The following NT5E variants were observed in gnomAD, a reference collection of about 807,000 sequenced individuals.
The protein encoded by NT5E is 5'-nucleotidase.
NT5E carries 53 observed loss-of-function variants against 55.1 expected under a neutral mutation model. The observed-to-expected ratio is 0.96, with a 90% confidence interval of 0.77 to 1.21. NT5E has a LOEUF of 1.21. NT5E is among the 50% of genes most tolerant of loss of function. The pLI is 0.00. For synonymous variants in NT5E, 270 were observed against 278.4 expected (o/e 0.97, Z 0.30); for missense variants, 683 against 724.3 (o/e 0.94, Z 0.65).
chr6:85,453,509 C>T (rs9344528), intron 1 of NT5E, among the ~76,000 whole-genome samples: 27,952 of 152,152 alleles, frequency 0.18, 3,068 homozygotes, highest in African/African-American at 0.31. Context: ...ACTATTTTTG[C>T]TATAGTTACT....
chr6:85,476,812 C>A (rs1769446785), intron 3 of NT5E, among the ~76,000 whole-genome samples: 1 of 152,130 alleles, frequency 6.6e-6, no homozygotes, highest in Non-Finnish European at 1.5e-5. Flanking sequence ...AGTCAAGCTG[C>A]TTTTCACCAG....
intron 2 of NT5E, 38 bp from the exon 3 acceptor site, chr6:85,471,199 T>G (rs775769362): frequency 8.8e-6 from 12 of 1,359,770 alleles, no homozygotes; most frequent in Non-Finnish European, 9.2e-6. Context: ...TAATAAAAAT[T>G]GTTAATAAAT....
At chr6:85,488,137 T>C (rs1769703887) in intron 5 of NT5E, among the ~76,000 whole-genome samples, 1 of 152,184 alleles carries the variant, frequency 6.6e-6, no homozygotes, top group East Asian at 1.9e-4. Flanking sequence ...TAACAAGTCC[T>C]ATGGCTGAGC....
Position 85,490,589 on chromosome 6 carries a change from TGAA to T in NT5E, c.1297_1299del (p.Lys433del). 6.2e-7 allele frequency: 1 copy of T among 1,614,210 alleles called. No individual in the cohort carries two copies. The highest frequency in any genetic ancestry group is 8.5e-7 in the Non-Finnish European group (1 of 1,180,022). ...CTAGTCCAGTTAAAAGGTTCCACCC[TGAA>T]GAAGGCCTTTGAGCATAGCGTGCAC... On this transcript the variant is annotated inframe_deletion, in exon 7 of 9. Transcript: ENST00000257770.
rs754938307 is a variant in NT5E at position 85,487,403 on chromosome 6, G to C, written c.1018G>C (p.Gly340Arg). Residue 340 changes from glycine to arginine, a missense_variant, in exon 5 of 9, where the codon GGG becomes CGG. Coordinates refer to ENST00000257770, the MANE Select transcript of NT5E (RefSeq NM_002526.4). The part of the protein sequence containing the change: ...KLDNYSTQEL[G>R]KTIVYLDGSS... ...GGATAATTATTCTACCCAGGAATTA[G>C]GGAAAACAATTGTCTATCTGGATGG... 6.2e-7 allele frequency: 1 copy of C among 1,614,002 alleles called. No homozygotes were observed. The highest frequency in any genetic ancestry group is 2.2e-5 in the East Asian group (1 of 44,870).
At chr6:85,478,590 C>A (rs1769482045) in intron 3 of NT5E, among the ~76,000 whole-genome samples, 1 of 152,128 alleles carries the variant, frequency 6.6e-6, no homozygotes, top group Non-Finnish European at 1.5e-5. Context: ...AGTTACTCAA[C>A]CACTCTGAGC....
At chr6:85,466,406 G>C (rs985528905) in intron 1 of NT5E, among the ~76,000 whole-genome samples, 2 of 152,186 alleles carry the variant, frequency 1.3e-5, no homozygotes, top group African/African-American at 4.8e-5. Flanking sequence ...ATGTGAAACT[G>C]CTGGGACTGG....
intron 2 of NT5E, 88 bp downstream of exon 2, chr6:85,467,370 G>C: frequency 1.8e-6 from 2 of 1,100,660 alleles, no homozygotes; most frequent in Non-Finnish European, 2.7e-6. Flanking sequence ...GTAGATAAAA[G>C]TAGGAACAAC....
At chr6:85,474,817 C>G (rs1347516097) in intron 3 of NT5E, among the ~76,000 whole-genome samples, 2 of 151,960 alleles carry the variant, frequency 1.3e-5, no homozygotes, top group Non-Finnish European at 2.9e-5. Context: ...GCCTGTAGTC[C>G]CACCTACTCA....
At chr6:85,459,333 G>A (rs1225500457) in intron 1 of NT5E, among the ~76,000 whole-genome samples, 2 of 152,222 alleles carry the variant, frequency 1.3e-5, no homozygotes, top group Non-Finnish European at 2.9e-5. Flanking sequence ...GAGCTAGCGT[G>A]TAAGTGACTA....
intron 1 of NT5E, among the ~76,000 whole-genome samples, chr6:85,456,661 G>C (rs1768997516): frequency 6.6e-6 from 1 of 152,312 alleles, no homozygotes; most frequent in East Asian, 1.9e-4. Flanking sequence ...GAAGACAAGA[G>C]AGAAGAGGGT....
At chr6:85,463,133 G>A (rs142535238) in intron 1 of NT5E, among the ~76,000 whole-genome samples, 101 of 152,214 alleles carry the variant, frequency 6.6e-4, no homozygotes, top group African/African-American at 2.3e-3. Flanking sequence ...TGGGGGTGAG[G>A]AGCTGGGGGT....
intron 7 of NT5E, among the ~76,000 whole-genome samples, chr6:85,491,769 T>G (rs1252261082): frequency 6.6e-6 from 1 of 152,224 alleles, no homozygotes; most frequent in Non-Finnish European, 1.5e-5. Context: ...AGAGCTGGTT[T>G]TCCTTCCAGT....
chr6:85,474,289 T>C (rs973117345), intron 3 of NT5E, among the ~76,000 whole-genome samples: 3 of 152,252 alleles, frequency 2.0e-5, no homozygotes, highest in African/African-American at 4.8e-5. Context: ...AAAAAATATA[T>C]GTTCAGTACA....
In NT5E at chr6:85,475,925, TA is replaced by T. The variant is rs551022860; in HGVS notation, c.751+4509del. ...GCTTACTTTTCAGGATTTGGGGAAA[TA>T]AAAAAAAATTTGGTAGAATACCTCA... On this transcript the variant is annotated intron_variant, in intron 3 of 8. Transcript: ENST00000257770. 1.4e-3 allele frequency among the ~76,000 whole-genome samples: 214 copies of T among 151,840 alleles called. 7 individuals carry two copies. The South Asian group carries it at 0.042, about 30-fold the overall frequency.
rs1057330500 is a variant in NT5E, at chr6:85,470,142, T to C, written c.563-1095T>C. Among the ~76,000 whole-genome samples the C allele has an allele frequency of 1.8e-4, 28 of 152,160 alleles. 1 individual carries two copies. Among genetic ancestry groups the C allele is most frequent in the Non-Finnish European group, 1.3e-4 (9 of 68,024 alleles). On this transcript the variant is annotated intron_variant, in intron 2 of 8. Transcript: ENST00000257770. ...TAGTCACAGAGTACCAGACATGACT[T>C]CAGGGCAGCATGTCTGTATTTGCAG...
intron 5 of NT5E, among the ~76,000 whole-genome samples, chr6:85,488,352 T>C (rs959749812): frequency 1.1e-4 from 16 of 152,162 alleles, no homozygotes; most frequent in African/African-American, 3.1e-4. Context: ...CGATAAATGT[T>C]TGCCGTGTAA....
In NT5E at chr6:85,467,001, T is replaced by C. The variant is rs550232759; in HGVS notation, c.340-59T>C. ...GAGCTTAGTCAGTTTTGAGAAATAC[T>C]GGACTAATGTTATGTTTTTAAAGCA... On this transcript the variant is annotated intron_variant, in intron 1 of 8. Coordinates refer to ENST00000257770, the MANE Select transcript of NT5E (RefSeq NM_002526.4). 551 of 1,467,350 alleles carry C rather than the reference T, an allele frequency of 3.8e-4. 1 individual carries two copies. The Middle Eastern group carries it at 5.7e-3, about 15-fold the overall frequency. The allele number at this position is 1,467,350 out of a possible 1,614,324, so 90.9% of individuals were successfully genotyped here. A position where few individuals can be genotyped will look rare whatever the true frequency, so the allele number is the denominator to read the frequency against.
chr6:85,466,174 C>G (rs34239697), intron 1 of NT5E, among the ~76,000 whole-genome samples: 4 of 152,054 alleles, frequency 2.6e-5, no homozygotes, highest in Middle Eastern at 3.2e-3. Flanking sequence ...TCCACTCCCC[C>G]CCAGCCCCCA....
Sources: allele counts gnomAD v4.1 joint callset (sites outside exome capture counted in the v4.1 genomes callset), GRCh38; gene constraint gnomAD v4.1.1; transcripts MANE v1.5; gene names NCBI Gene and HGNC (gene_info 2026-07-23, HGNC 2026-07-21).